Variants in ATG5 observed in about 807,000 individuals in gnomAD.
ATG5 encodes autophagy protein 5.
Under a neutral mutation model 36.5 loss-of-function variants are expected in ATG5, and 14 were observed. The observed-to-expected ratio is 0.38, with a 90% CI of 0.25 to 0.60. The LOEUF (loss-of-function observed/expected upper bound fraction) is 0.60. ATG5 is among the 20% of genes least tolerant of loss of function. ATG5 has a pLI of 0.60. For missense variants in ATG5, 195 were observed against 326.7 expected, an observed-to-expected ratio of 0.60 and a Z score of 3.11; for synonymous variants, 95 against 101.5, an observed-to-expected ratio of 0.94 and a Z score of 0.38.
chr6:106,235,330 C>T (rs996516495), intron 6 of ATG5, among the ~76,000 whole-genome samples: 2 of 152,162 alleles, frequency 1.3e-5, no homozygotes, highest in Non-Finnish European at 1.5e-5. Context: ...GGCCTACTAG[C>T]CCATGCTCCA....
At chr6:106,186,817 G>C (rs1279956527) in intron 7 of ATG5, 141 bp from the exon 8 acceptor site, 18 of 983,334 alleles carry the variant, frequency 1.8e-5, no homozygotes, top group Non-Finnish European at 2.7e-5. Flanking sequence ...TGGACATGGA[G>C]AAAGTTCAAA....
rs7774865 is a variant in ATG5 at position 106,276,284 on chromosome 6, G to A, written c.478+3377C>T. 5.6e-3 allele frequency among the ~76,000 whole-genome samples: 855 copies of A among 152,194 alleles called. 5 individuals are homozygous for A. Among genetic ancestry groups the A allele is most frequent in the African/African-American group, 0.019 (802 of 41,532 alleles). The stretch of plus-strand genomic sequence containing the variant: ...TCGAGACCATCCTGGCTAACATGGT[G>A]AAACCCCGTCTCTACTAAAAATACA... On this transcript the variant is annotated intron_variant, in intron 5 of 7. Coordinates refer to ENST00000369076, the MANE Select transcript of ATG5 (RefSeq NM_004849.4).
intron 3 of ATG5, among the ~76,000 whole-genome samples, chr6:106,304,710 G>A (rs961053607): frequency 4.6e-5 from 7 of 152,156 alleles, no homozygotes; most frequent in African/African-American, 1.7e-4. Flanking sequence ...AGGGAATTTT[G>A]TGAAATTAAA....
intron 1 of ATG5, among the ~76,000 whole-genome samples, chr6:106,318,686 T>C (rs1232621358): frequency 6.6e-6 from 1 of 152,208 alleles, no homozygotes; most frequent in African/African-American, 2.4e-5. Context: ...GTAGAGCTGA[T>C]ACAAATGTTG....
intron 7 of ATG5, among the ~76,000 whole-genome samples, chr6:106,200,674 G>A (rs1776392510): frequency 6.6e-6 from 1 of 152,016 alleles, no homozygotes; most frequent in Admixed American, 6.6e-5. Flanking sequence ...TAGAGACAGG[G>A]TTTCACCATG....
Position 106,317,977 on chromosome 6 carries a change from C to A in ATG5, c.-58-1711G>T, listed in dbSNP as rs571148686. ...ACATCCAGTTAGTCAACAGCTGCAA[C>A]TGAGATTCACCTTTTGATGATGAAG... On this transcript the variant is annotated intron_variant, in intron 1 of 7. Transcript: ENST00000369076. 5.9e-5 allele frequency among the ~76,000 whole-genome samples: 9 copies of A among 152,306 alleles called. No homozygotes were observed. In the South Asian group the frequency reaches 1.9e-3, roughly 32 times the overall value.
chr6:106,291,590 C>CTATGA (rs10677943), intron 4 of ATG5, among the ~76,000 whole-genome samples: 17,170 of 152,108 alleles, frequency 0.11, 1,040 homozygotes, highest in African/African-American at 0.16. Context: ...AAGGAGACAG[C>CTATGA]TATATTTTAA....
chr6:106,323,545 T>C (rs189892859), intron 1 of ATG5, among the ~76,000 whole-genome samples: 13 of 152,272 alleles, frequency 8.5e-5, no homozygotes, highest in African/African-American at 2.6e-4. Flanking sequence ...GGCCAAGTTA[T>C]ATTCTTTAGT....
At chr6:106,242,138 TCACACA>T (rs57802675) in intron 6 of ATG5, among the ~76,000 whole-genome samples, 1 of 150,516 alleles carries the variant, frequency 6.6e-6, no homozygotes, top group African/African-American at 2.4e-5. Flanking sequence ...ACACACATAC[TCACACA>T]CACACACACA....
intron 4 of ATG5, among the ~76,000 whole-genome samples, chr6:106,291,969 A>G (rs1033848120): frequency 7.2e-5 from 11 of 152,238 alleles, no homozygotes; most frequent in African/African-American, 2.2e-4. Flanking sequence ...AGGAAGGAAA[A>G]GCATCACATG....
chr6:106,200,145 G>A (rs760482406), intron 7 of ATG5, among the ~76,000 whole-genome samples: 2 of 152,106 alleles, frequency 1.3e-5, no homozygotes, highest in Non-Finnish European at 2.9e-5. Context: ...AAGGAAAATT[G>A]CAATATTCTC....
intron 6 of ATG5, among the ~76,000 whole-genome samples, chr6:106,227,498 A>C (rs1777493149): frequency 6.6e-6 from 1 of 152,196 alleles, no homozygotes; most frequent in Non-Finnish European, 1.5e-5. Context: ...CAGGCGGCTA[A>C]GGTGGAAAGA....
chr6:106,265,190 AG>A (rs1395139199), intron 5 of ATG5, among the ~76,000 whole-genome samples: 1 of 149,056 alleles, frequency 6.7e-6, no homozygotes, highest in Non-Finnish European at 1.5e-5. Context: ...AAAAAAAAGC[AG>A]GGGTTGCAAT....
At chr6:106,298,475 C>T (rs771279434) in intron 3 of ATG5, among the ~76,000 whole-genome samples, 30 of 151,880 alleles carry the variant, frequency 2.0e-4, no homozygotes, top group African/African-American at 6.3e-4. Flanking sequence ...TGCTTGAACC[C>T]GGGAGGCGGA....
intron 6 of ATG5, among the ~76,000 whole-genome samples, chr6:106,229,639 G>C (rs534739313): frequency 6.6e-6 from 1 of 152,106 alleles, no homozygotes; most frequent in Non-Finnish European, 1.5e-5. Context: ...GGTCTTCTCC[G>C]CGACCCTATA....
At chr6:106,316,567 A>G (rs1562272708) in intron 1 of ATG5, among the ~76,000 whole-genome samples, 1 of 152,186 alleles carries the variant, frequency 6.6e-6, no homozygotes, top group Non-Finnish European at 1.5e-5. Context: ...TTTCAAGCCC[A>G]GAAGAGTCTA....
chr6:106,269,880 A>C (rs1297598516), intron 5 of ATG5, among the ~76,000 whole-genome samples: 3 of 152,226 alleles, frequency 2.0e-5, no homozygotes, highest in African/African-American at 4.8e-5. Flanking sequence ...TGAAGGGCTC[A>C]AGTGCCCCCA....
intron 6 of ATG5, among the ~76,000 whole-genome samples, chr6:106,243,527 G>GA (rs5878873): frequency 2.2e-5 from 1 of 45,716 alleles, no homozygotes; most frequent in African/African-American, 1.3e-4. Context: ...GACCCTCTCT[G>GA]GGGAAAAAAA....
chr6:106,243,519 C>T (rs1189864677), intron 6 of ATG5, among the ~76,000 whole-genome samples: 5 of 130,450 alleles, frequency 3.8e-5, no homozygotes, highest in East Asian at 2.2e-4. Context: ...CAGAGCAAGA[C>T]CCTCTCTGGG....
Sources: allele counts gnomAD v4.1 joint callset (sites outside exome capture counted in the v4.1 genomes callset), GRCh38; gene constraint gnomAD v4.1.1; transcripts MANE v1.5; gene names NCBI Gene and HGNC (gene_info 2026-07-23, HGNC 2026-07-21).